MMS19: variants seen among roughly 807,000 people sequenced by gnomAD.
The protein encoded by MMS19 is MMS19 cytosolic iron-sulfur assembly component, also known as MMS19 nucleotide excision repair protein homolog.
A neutral mutation model predicts 129.8 loss-of-function variants in MMS19; 77 were observed. The ratio of observed to expected loss-of-function variants is 0.59; its 90% CI spans 0.49 to 0.72. MMS19 has a LOEUF of 0.72. Among genes scored for constraint, MMS19 ranks in the 30% least tolerant of loss-of-function variants. The probability of loss-of-function intolerance (pLI) is 0.00; values close to 1 mark genes in which losing one functional copy is unlikely to be tolerated. For synonymous variants in MMS19, 491 were observed against 502.8 expected (o/e 0.98, Z 0.31); for missense variants, 1,168 against 1,266.3 (o/e 0.92, Z 1.18).
chr10:97,459,112 C>A, intron 29 of MMS19, 111 bp downstream of exon 29: 1 of 1,101,442 alleles, frequency 9.1e-7, no homozygotes, highest in South Asian at 1.6e-5. Context: ...CCTTGTAATT[C>A]AGATCTCAAT....
At chr10:97,492,829 A>G (rs536162345) in intron 1 of MMS19, among the ~76,000 whole-genome samples, 4 of 146,060 alleles carry the variant, frequency 2.7e-5, no homozygotes, top group Admixed American at 6.9e-5. Context: ...ACTGCACACC[A>G]GCCTGGGCAA....
chr10:97,460,722 A>AT lies in MMS19; in HGVS notation c.2441dup (p.His814GlnfsTer17), dbSNP rs1168262368. ...GGGCTGTAAGGCAGGAGCTGAGAGGATGGTATCTGAGCACTAGGGCCTTTG... is the reference window on the plus strand; with the variant it reads ...GGGCTGTAAGGCAGGAGCTGAGAGGATTGGTATCTGAGCACTAGGGCCTTTG... On this transcript the variant is annotated frameshift_variant, in exon 25 of 31. Transcript: ENST00000438925. LOFTEE classifies it high-confidence loss of function. 6.3e-7 allele frequency: 1 copy of AT among 1,599,340 alleles called. No homozygotes were observed. The highest frequency in any genetic ancestry group is 1.3e-5 in the African/African-American group (1 of 74,710).
At chr10:97,468,807 C>A (rs559072907) in intron 12 of MMS19, among the ~76,000 whole-genome samples, 159 bp downstream of exon 12, 1 of 152,266 alleles carries the variant, frequency 6.6e-6, no homozygotes, top group Non-Finnish European at 1.5e-5. Flanking sequence ...CGAGGTTTCA[C>A]CATGTTGGCC....
In MMS19 at chr10:97,468,323, C is replaced by G. The variant is rs1358897369; in HGVS notation, c.1147G>C (p.Ala383Pro). The change falls in exon 13 of 31, where the codon GCC becomes CCC. Residue 383 changes from alanine to proline, a missense_variant. Ala to Pro is a conservative substitution (Grantham distance 27, BLOSUM62 -1). Around this residue, in one of 3 missense-constraint regions of MMS19, gnomAD observed 831 missense variants for 910.8 expected, o/e 0.91. Coordinates refer to ENST00000438925, the MANE Select transcript of MMS19 (RefSeq NM_022362.5). ...CTGGTGACAGAGTCACAGGCCCGGG[C>G]AGATGCACCTGCAGCTGCCTGCAAC... ...KLLQAAAGAS[A>P]RACDSVTSNV... 1.9e-6 allele frequency: 3 copies of G among 1,612,582 alleles called. No individual in the cohort carries two copies. The highest frequency in any genetic ancestry group is 1.7e-5 in the Admixed American group (1 of 59,892).
chr10:97,477,433 A>G lies in MMS19; in HGVS notation c.424-17T>C, dbSNP rs1589694448. The G allele has an allele frequency of 6.2e-7, 1 of 1,613,878 alleles. No homozygotes were observed. Among genetic ancestry groups the G allele is most frequent in the African/African-American group, 1.3e-5 (1 of 75,010 alleles). ...TGGCAGGGACTTGGGGGTGGGGGAG[A>G]AAGAAGTGAAGAAAATGCTCAAAGA... On this transcript the variant is annotated splice_polypyrimidine_tract_variant and intron_variant, in intron 5 of 30. Coordinates refer to ENST00000438925, the MANE Select transcript of MMS19 (RefSeq NM_022362.5).
At chr10:97,489,222 T>C (rs1488273246) in intron 1 of MMS19, among the ~76,000 whole-genome samples, 2 of 152,170 alleles carry the variant, frequency 1.3e-5, no homozygotes, top group Non-Finnish European at 1.5e-5. Context: ...AAAATAACAG[T>C]GTGTATAAAC....
chr10:97,461,826 AC>A lies in MMS19; in HGVS notation c.2184+1del. The A allele has an allele frequency of 1.2e-6, 2 of 1,607,770 alleles. No homozygotes were observed. The highest frequency in any genetic ancestry group is 1.7e-6 in the Non-Finnish European group (2 of 1,177,128). The stretch of plus-strand genomic sequence containing the variant: ...CAGTACTTCCCAAATGTGCTCACTT[AC>A]ATTTCGAGGCAGGGAGCAGACAAAG... On this transcript the variant is annotated splice_donor_variant, in intron 22 of 30. Coordinates refer to ENST00000438925, the MANE Select transcript of MMS19 (RefSeq NM_022362.5). LOFTEE classifies it high-confidence loss of function.
At chr10:97,478,442 G>A in intron 3 of MMS19, 53 bp from the exon 4 acceptor site, 1 of 1,332,632 alleles carries the variant, frequency 7.5e-7, no homozygotes, top group South Asian at 1.3e-5. Context: ...AAGGGCCCAA[G>A]AGCTTTGTTC....
Position 97,458,784 on chromosome 10 carries a change from C to A in MMS19, c.3065+16G>T. 6.2e-7 allele frequency: 1 copy of A among 1,613,740 alleles called. No homozygotes were observed. The highest frequency in any genetic ancestry group is 8.5e-7 in the Non-Finnish European group (1 of 1,179,716). ...CTCATCTTGGTCCCATCTCTCCCCA[C>A]GACCTAGAAACTCACCACTCCCCTC... On this transcript the variant is annotated intron_variant, in intron 30 of 30. Coordinates refer to ENST00000438925, the MANE Select transcript of MMS19 (RefSeq NM_022362.5).
At position 97,468,236 on chromosome 10, in the gene MMS19, G is replaced by T. The variant is rs958865320; in HGVS notation, c.1218+16C>A. The T allele has an allele frequency of 2.6e-6, 4 of 1,529,876 alleles. No individual in the cohort carries two copies. The highest frequency in any genetic ancestry group is 3.5e-6 in the Non-Finnish European group (4 of 1,131,276). 94.8% of individuals were successfully genotyped at this position (1,529,876 alleles called of 1,614,324 possible). The stretch of plus-strand genomic sequence containing the variant: ...CACAGGTCCCATCATTTCCCCCAAA[G>T]ATTCTGCTCCCTTACCTGACTGTGC... On this transcript the variant is annotated intron_variant, in intron 13 of 30. Coordinates refer to ENST00000438925, the MANE Select transcript of MMS19 (RefSeq NM_022362.5).
intron 18 of MMS19, among the ~76,000 whole-genome samples, chr10:97,464,618 G>A (rs2032951437): frequency 6.6e-6 from 1 of 151,922 alleles, no homozygotes; most frequent in African/African-American, 2.4e-5. Context: ...CTGGTTAACA[G>A]ACCATCTTTT....
intron 1 of MMS19, among the ~76,000 whole-genome samples, chr10:97,485,553 C>T (rs1439352836): frequency 1.3e-5 from 2 of 152,116 alleles, no homozygotes; most frequent in Non-Finnish European, 2.9e-5. Flanking sequence ...CCTCGTGATC[C>T]GCCCGCCTTG....
chr10:97,460,259 C>T (rs746768378), intron 25 of MMS19, 27 bp from the exon 26 acceptor site: 25 of 1,595,314 alleles, frequency 1.6e-5, no homozygotes, highest in African/African-American at 2.7e-5. Flanking sequence ...CTTTGAGGTA[C>T]ATCAGGGAAG....
At chr10:97,461,325 A>G (rs2031828659) in intron 23 of MMS19, 171 bp downstream of exon 23, 1 of 746,420 alleles carries the variant, frequency 1.3e-6, no homozygotes, top group African/African-American at 1.8e-5. Context: ...AGCTCTGCCC[A>G]ACTGTGGTCT....
chr10:97,495,773 C>A (rs1463769847), intron 1 of MMS19, among the ~76,000 whole-genome samples: 1 of 152,152 alleles, frequency 6.6e-6, no homozygotes, highest in East Asian at 1.9e-4. Context: ...TTCCTTTGTA[C>A]CAACTTTCTT....
At chr10:97,479,324 C>T (rs2036333633) in intron 3 of MMS19, among the ~76,000 whole-genome samples, 2 of 152,146 alleles carry the variant, frequency 1.3e-5, no homozygotes, top group Admixed American at 1.3e-4. Context: ...CAATCAAACT[C>T]CAAATGGTAC....
rs756553614 is a variant in MMS19, at chr10:97,461,863, G to C, written c.2149C>G (p.Leu717Val). The C allele has an allele frequency of 6.2e-7, 1 of 1,609,208 alleles. No homozygotes were observed. The highest frequency in any genetic ancestry group is 1.1e-5 in the South Asian group (1 of 89,852). ...GSSGQRRLIA[L>V]LMAFVCSLPR... is the part of the protein sequence containing the mutation. ...AGGGAGCAGACAAAGGCCATAAGCA[G>C]TGCAATCAGCCGCCTCTGCCCTGAG... is the stretch of plus-strand genomic sequence containing the variant. The change falls in exon 22 of 31, where the codon CTG (leucine) becomes GTG (valine). Residue 717 changes from leucine (L) to valine (V), a missense_variant. Physicochemically the swap from Leu to Val is conservative, Grantham distance 32. This residue lies in a region of MMS19 where 831 missense variants were observed against 910.8 expected (regional missense o/e 0.91). Transcript: ENST00000438925.
chr10:97,492,388 T>C (rs2039061607), intron 1 of MMS19, among the ~76,000 whole-genome samples: 1 of 150,408 alleles, frequency 6.6e-6, no homozygotes, highest in Admixed American at 6.6e-5. Flanking sequence ...GGTAGGAGAA[T>C]GGTGTGATCC....
At chr10:97,466,952 C>T in intron 14 of MMS19, 51 bp from the exon 15 acceptor site, 2 of 1,609,328 alleles carry the variant, frequency 1.2e-6, no homozygotes, top group African/African-American at 1.3e-5. Flanking sequence ...CATTCCATAT[C>T]CCTGACTAAG....
Sources: allele counts gnomAD v4.1 joint callset (sites outside exome capture counted in the v4.1 genomes callset), GRCh38; gene constraint gnomAD v4.1.1; regional missense constraint gnomAD v4.1.1; transcripts MANE v1.5; gene names NCBI Gene and HGNC (gene_info 2026-07-23, HGNC 2026-07-21).